The following GDAP1 variants were observed in gnomAD, a reference collection of about 807,000 sequenced individuals.
The protein encoded by GDAP1 is ganglioside induced differentiation associated protein 1.
A neutral mutation model predicts 40.1 loss-of-function variants in GDAP1; 34 were observed. The ratio of observed to expected loss-of-function variants is 0.85; its 90% CI spans 0.64 to 1.13. The LOEUF (loss-of-function observed/expected upper bound fraction) is 1.13, where lower values mean the gene tolerates loss of function less well. GDAP1 is among the 50% of genes most tolerant of loss of function. The pLI is 0.00. For synonymous variants in GDAP1, 170 were observed against 157.4 expected, an observed-to-expected ratio of 1.08 and a Z score of -0.60; for missense variants, 374 against 433.7, an observed-to-expected ratio of 0.86 and a Z score of 1.22.
chr8:74,458,727 G>T (rs1039576012), intron 2 of GDAP1, among the ~76,000 whole-genome samples: 1 of 152,160 alleles, frequency 6.6e-6, no homozygotes, highest in African/African-American at 2.4e-5. Context: ...CCTGGACCCT[G>T]TGAATTTAAC....
At chr8:74,419,617 G>T (rs1002482899) in intron 2 of GDAP1, among the ~76,000 whole-genome samples, 1 of 152,056 alleles carries the variant, frequency 6.6e-6, no homozygotes. Context: ...CACCCTGTAG[G>T]TTGCCTTTTC....
chr8:74,354,230 C>T (rs1394515680), intron 2 of GDAP1, among the ~76,000 whole-genome samples: 1 of 151,980 alleles, frequency 6.6e-6, no homozygotes, highest in Non-Finnish European at 1.5e-5. Flanking sequence ...AATTGTACAC[C>T]ACTGTAAGTA....
intron 5 of GDAP1, among the ~76,000 whole-genome samples, chr8:74,363,696 T>TA (rs543155857): frequency 6.6e-6 from 1 of 152,210 alleles, no homozygotes; most frequent in Non-Finnish European, 1.5e-5. Flanking sequence ...CCCAACCCCT[T>TA]AGTGTCCTTT....
chr8:74,466,077 A>G (rs959227481), intron 2 of GDAP1, among the ~76,000 whole-genome samples: 3 of 152,196 alleles, frequency 2.0e-5, no homozygotes, highest in Non-Finnish European at 2.9e-5. Flanking sequence ...TCTGTTCCAC[A>G]TTGTTTCTTT....
chr8:74,398,166 T>C (rs1810243391), intron 2 of GDAP1, among the ~76,000 whole-genome samples: 2 of 152,122 alleles, frequency 1.3e-5, no homozygotes, highest in Non-Finnish European at 2.9e-5. Context: ...TTGTCTGTTA[T>C]TGGTGTATAA....
At chr8:74,467,211 A>C (rs1056539569) in intron 2 of GDAP1, among the ~76,000 whole-genome samples, 2 of 152,174 alleles carry the variant, frequency 1.3e-5, no homozygotes, top group Non-Finnish European at 2.9e-5. Context: ...GAAGGGATAG[A>C]ATAGCTGTCT....
At chr8:74,368,465 C>CTATATCATTTAGTGCTA (rs1270379714), downstream of GDAP1, among the ~76,000 whole-genome samples, 1 of 152,160 alleles carries the variant, frequency 6.6e-6, no homozygotes, top group Non-Finnish European at 1.5e-5. Context: ...ATGATATGAA[C>CTATATCATTTAGTGCTA]TATAAATAAT....
At position 74,419,273 on chromosome 8, in the gene GDAP1, T is replaced by C. The variant is rs924118292; in HGVS notation, c.165+67952T>C. On this transcript the variant is annotated intron_variant, in intron 2 of 2. Coordinates refer to the GDAP1 transcript ENST00000523640. The stretch of plus-strand genomic sequence containing the variant: ...CATAATTGCCTCCAAGTAGAAACCA[T>C]CCAAATGTCTTCCAACAAGTGAATG... Among the ~76,000 whole-genome samples, 6 of 152,326 alleles carry C rather than the reference T, an allele frequency of 3.9e-5. No homozygotes were observed. In the South Asian group the frequency reaches 6.2e-4, roughly 16 times the overall value.
chr8:74,481,529 A>G (rs1331672599), intron 2 of GDAP1, among the ~76,000 whole-genome samples: 9 of 152,198 alleles, frequency 5.9e-5, no homozygotes, highest in African/African-American at 1.9e-4. Context: ...TCAGTGTAAT[A>G]AAGTTCTACC....
At chr8:74,430,582 G>A (rs1346772563) in intron 2 of GDAP1, among the ~76,000 whole-genome samples, 1 of 152,104 alleles carries the variant, frequency 6.6e-6, no homozygotes, top group Non-Finnish European at 1.5e-5. Context: ...GGAAGAATAA[G>A]CTGTAAAATA....
chr8:74,371,133 T>G (rs913679467), downstream of GDAP1, among the ~76,000 whole-genome samples: 10 of 152,330 alleles, frequency 6.6e-5, no homozygotes, highest in South Asian at 2.1e-3. Context: ...ACTCAAAAAC[T>G]GTGGAATAAA....
At chr8:74,451,923 C>CTTAATTTAAT (rs543598612) in intron 2 of GDAP1, among the ~76,000 whole-genome samples, 19,020 of 54,584 alleles carry the variant, frequency 0.35, 7,571 homozygotes, top group East Asian at 0.8. Context: ...TCTTTATTTT[C>CTTAATTTAAT]TTAATTTAAT....
chr8:74,363,111 A>G (rs1053034169), intron 5 of GDAP1, 58 bp downstream of exon 5: 2 of 851,886 alleles, frequency 2.3e-6, no homozygotes, highest in Non-Finnish European at 4.1e-6. Flanking sequence ...TCATGGGAAC[A>G]TTCTTAGGTC....
chr8:74,366,057 A>T lies in GDAP1; in HGVS notation c.*1690A>T, dbSNP rs1232164126. ...GGATTTTTATAAAAACCTCTGAAGG[A>T]TATTTACCTATGAAAAAGTTGTTAA... On this transcript the variant is annotated 3_prime_UTR_variant, in exon 6 of 6. Coordinates refer to ENST00000220822, the MANE Select transcript of GDAP1 (RefSeq NM_018972.4). 1 of 443,728 alleles carries T rather than the reference A, an allele frequency of 2.3e-6. No individual in the cohort carries two copies. The highest frequency in any genetic ancestry group is 4.5e-6 in the Non-Finnish European group (1 of 224,000). The allele number at this position is 443,728 out of a possible 1,614,324, so 27.5% of individuals were successfully genotyped here. A position where few individuals can be genotyped will look rare whatever the true frequency, so the allele number is the denominator to read the frequency against.
Position 74,451,973 on chromosome 8 carries a change from G to A in GDAP1, c.166-36705G>A, listed in dbSNP as rs548580320. Among the ~76,000 whole-genome samples the A allele has an allele frequency of 1.9e-3, 67 of 34,548 alleles. 26 individuals are homozygous for A. The highest frequency in any genetic ancestry group is 0.024 in the Middle Eastern group (1 of 42). The allele number at this position is 34,548 out of a possible 152,430, so 22.7% of individuals were successfully genotyped here. ...TTTAATTTAATTTAATTTTTGAGAC[G>A]GAGTCTTGCTCTGTCGCCCAGGCTG... On this transcript the variant is annotated intron_variant, in intron 2 of 2. Coordinates refer to the GDAP1 transcript ENST00000523640.
intron 2 of GDAP1, among the ~76,000 whole-genome samples, chr8:74,401,553 C>T (rs1027808885): frequency 2.7e-5 from 4 of 150,094 alleles, no homozygotes; most frequent in Non-Finnish European, 4.4e-5. Flanking sequence ...TCTCTCAACT[C>T]GTCAAAGTCA....
At chr8:74,429,654 T>A (rs1229383556) in intron 2 of GDAP1, among the ~76,000 whole-genome samples, 1 of 152,184 alleles carries the variant, frequency 6.6e-6, no homozygotes, top group Non-Finnish European at 1.5e-5. Context: ...CCAGTCATAT[T>A]GGGTTAGGAC....
chr8:74,386,954 T>C (rs1171236162), intron 2 of GDAP1, among the ~76,000 whole-genome samples: 2 of 152,248 alleles, frequency 1.3e-5, no homozygotes, highest in African/African-American at 4.8e-5. Flanking sequence ...CAATTGTGAA[T>C]GGGAGTTCAC....
At chr8:74,353,882 A>G (rs1808986740) in intron 2 of GDAP1, among the ~76,000 whole-genome samples, 1 of 152,188 alleles carries the variant, frequency 6.6e-6, no homozygotes, top group Non-Finnish European at 1.5e-5. Flanking sequence ...TTATTTAAAT[A>G]TGTTAAAATT....
Sources: allele counts gnomAD v4.1 joint callset (sites outside exome capture counted in the v4.1 genomes callset), GRCh38; gene constraint gnomAD v4.1.1; transcripts MANE v1.5; gene names NCBI Gene and HGNC (gene_info 2026-07-23, HGNC 2026-07-21).